SLC24A3: variants seen among roughly 807,000 people sequenced by gnomAD.
SLC24A3 encodes the protein sodium/potassium/calcium exchanger 3.
In SLC24A3, 28 loss-of-function variants were observed where a neutral mutation model predicts 75.8. That is an observed-to-expected ratio of 0.37 (90% CI 0.27 to 0.51). SLC24A3 has a LOEUF of 0.51. Ranked by LOEUF, SLC24A3 falls within the 20% of genes least tolerant of loss-of-function variation. The pLI, the probability that SLC24A3 is intolerant of heterozygous loss-of-function variation, is 0.94. For synonymous variants in SLC24A3, 372 were observed against 334.1 expected, an observed-to-expected ratio of 1.11 and a Z score of -1.24; for missense variants, 663 against 847.8, an observed-to-expected ratio of 0.78 and a Z score of 2.71.
At chr20:19,553,209 A>G (rs2030729590) in intron 3 of SLC24A3, among the ~76,000 whole-genome samples, 2 of 151,566 alleles carry the variant, frequency 1.3e-5, no homozygotes, top group Admixed American at 6.6e-5. Flanking sequence ...CCGTGTGCAC[A>G]CCTCTGTGTG....
chr20:19,403,736 A>G (rs1474870259), intron 2 of SLC24A3, among the ~76,000 whole-genome samples: 1 of 152,160 alleles, frequency 6.6e-6, no homozygotes, highest in Non-Finnish European at 1.5e-5. Context: ...TAGAGGGAAC[A>G]GCATGCGGAC....
rs2030373128 is a variant in SLC24A3 at position 19,535,145 on chromosome 20, TCTCAG to T, written c.348+19590_348+19594del. Among the ~76,000 whole-genome samples, 5 of 152,392 alleles carry T rather than the reference TCTCAG, an allele frequency of 3.3e-5. No homozygotes were observed. The South Asian group carries it at 1.0e-3, about 32-fold the overall frequency. On this transcript the variant is annotated intron_variant, in intron 3 of 16. Transcript: ENST00000328041. ...ACCATCCTCAAGGCTCATTAATTGA[TCTCAG>T]CTCAGCTCTCAAAGGAGTGATATTG...
At chr20:19,305,851 G>C (rs968574419) in intron 2 of SLC24A3, among the ~76,000 whole-genome samples, 1 of 152,128 alleles carries the variant, frequency 6.6e-6, no homozygotes, top group African/African-American at 2.4e-5. Flanking sequence ...CTTAAAAGCA[G>C]TGGCAACAAA....
intron 6 of SLC24A3, among the ~76,000 whole-genome samples, chr20:19,618,473 T>C (rs2031765267): frequency 6.6e-6 from 1 of 152,166 alleles, no homozygotes; most frequent in African/African-American, 2.4e-5. Flanking sequence ...TCATATGGGA[T>C]TAGGACCCAC....
intron 1 of SLC24A3, among the ~76,000 whole-genome samples, chr20:19,278,071 G>A (rs907763428): frequency 4.6e-5 from 7 of 152,202 alleles, no homozygotes; most frequent in African/African-American, 1.7e-4. Flanking sequence ...AGCTGGCACA[G>A]TGCAGCTTCT....
chr20:19,272,403 A>G (rs1983356655), intron 1 of SLC24A3, among the ~76,000 whole-genome samples: 1 of 152,248 alleles, frequency 6.6e-6, no homozygotes, highest in South Asian at 2.1e-4. Context: ...GAGCTGGGAT[A>G]AAATAGGTAA....
At chr20:19,450,972 C>T (rs560508337) in intron 2 of SLC24A3, among the ~76,000 whole-genome samples, 6 of 152,042 alleles carry the variant, frequency 3.9e-5, no homozygotes, top group Non-Finnish European at 8.8e-5. Flanking sequence ...TGCACTCCAG[C>T]CTGGGTGACA....
intron 2 of SLC24A3, among the ~76,000 whole-genome samples, chr20:19,410,163 G>A (rs1274311231): frequency 1.3e-5 from 2 of 152,100 alleles, no homozygotes; most frequent in African/African-American, 4.8e-5. Flanking sequence ...AACAAAGCAA[G>A]TTCCTCCCAA....
At chr20:19,552,484 TCA>T (rs1445276940) in intron 3 of SLC24A3, among the ~76,000 whole-genome samples, 16 of 152,318 alleles carry the variant, frequency 1.1e-4, no homozygotes, top group African/African-American at 3.8e-4. Context: ...ACATAGAAGT[TCA>T]GAAAAGTAAA....
At chr20:19,603,733 G>A (rs1156369633) in intron 6 of SLC24A3, among the ~76,000 whole-genome samples, 1 of 152,106 alleles carries the variant, frequency 6.6e-6, no homozygotes, top group African/African-American at 2.4e-5. Flanking sequence ...AACTAAGTGT[G>A]CTGTCTGTTG....
chr20:19,660,816 G>A (rs1158288709), intron 7 of SLC24A3, among the ~76,000 whole-genome samples: 1 of 151,926 alleles, frequency 6.6e-6, no homozygotes, highest in Non-Finnish European at 1.5e-5. Context: ...CTCTCTTTCT[G>A]GCAAAGTCGG....
chr20:19,424,383 A>G (rs973662783), intron 2 of SLC24A3, among the ~76,000 whole-genome samples: 11 of 152,352 alleles, frequency 7.2e-5, no homozygotes, highest in Admixed American at 2.0e-4. Flanking sequence ...GGTTATAGAC[A>G]TGATGACTAA....
intron 2 of SLC24A3, among the ~76,000 whole-genome samples, chr20:19,477,746 C>G (rs892110397): frequency 1.3e-5 from 2 of 152,190 alleles, no homozygotes; most frequent in Non-Finnish European, 2.9e-5. Context: ...TATGGTCTTG[C>G]TCCTCTGACA....
In SLC24A3 at chr20:19,678,313, C is replaced by T. The variant is rs1322052008; in HGVS notation, c.768-3545C>T. Among the ~76,000 whole-genome samples the T allele has an allele frequency of 1.2e-4, 16 of 134,758 alleles. 1 individual carries two copies. Among genetic ancestry groups the T allele is most frequent in the Admixed American group, 8.4e-4 (12 of 14,264 alleles). 88.4% of individuals were successfully genotyped at this position (134,758 alleles called of 152,430 possible). ...GCAGAGGCACCCCTCACCTCCCAGA[C>T]GGGGCGGCTGGCCGGGCGGGGGGCT... On this transcript the variant is annotated intron_variant, in intron 9 of 16. Coordinates refer to ENST00000328041, the MANE Select transcript of SLC24A3 (RefSeq NM_020689.4).
chr20:19,464,458 A>G (rs144490109), intron 2 of SLC24A3, among the ~76,000 whole-genome samples: 1 of 152,392 alleles, frequency 6.6e-6, no homozygotes, highest in African/African-American at 2.4e-5. Flanking sequence ...ATTCACGTGC[A>G]TGCTCACAAA....
At chr20:19,601,133 T>C (rs1434218578) in intron 6 of SLC24A3, among the ~76,000 whole-genome samples, 1 of 152,196 alleles carries the variant, frequency 6.6e-6, no homozygotes, top group Non-Finnish European at 1.5e-5. Flanking sequence ...TGTTGTGGTG[T>C]TGATATATGT....
At chr20:19,419,841 A>T (rs796296555) in intron 2 of SLC24A3, among the ~76,000 whole-genome samples, 4,292 of 97,646 alleles carry the variant, frequency 0.044, 337 homozygotes, top group East Asian at 0.43. Flanking sequence ...TTTTTTTTTT[A>T]TTATACTCTA....
rs1364728490 is a variant in SLC24A3, at chr20:19,231,622, G to A, written c.142+18638G>A. ...GATTCTTCCCAAGAGCTTCCAGTAG[G>A]AATGCAGTCCTGCTGACACATTAAA... On this transcript the variant is annotated intron_variant, in intron 1 of 16. Transcript: ENST00000328041. Among the ~76,000 whole-genome samples, 6 of 152,218 alleles carry A rather than the reference G, an allele frequency of 3.9e-5. No individual in the cohort carries two copies. The East Asian group carries it at 1.2e-3, about 29-fold the overall frequency.
chr20:19,505,941 T>C (rs1316853396), intron 2 of SLC24A3, among the ~76,000 whole-genome samples: 1 of 152,198 alleles, frequency 6.6e-6, no homozygotes, highest in Non-Finnish European at 1.5e-5. Context: ...CTCTCCATTA[T>C]TTAATAAATT....
Sources: gnomAD v4.1 joint callset for allele counts (sites outside exome capture counted in the v4.1 genomes callset) on GRCh38, gnomAD v4.1.1 for gene constraint, MANE v1.5 for transcripts, NCBI Gene and HGNC (gene_info 2026-07-23, HGNC 2026-07-21) for gene names.